The following MCC variants were observed in gnomAD, a reference collection of about 807,000 sequenced individuals.
The protein encoded by MCC is colorectal mutant cancer protein.
In MCC, 90 loss-of-function variants were observed where a neutral mutation model predicts 116.2. That is an observed-to-expected ratio of 0.77 (90% confidence interval 0.65 to 0.92). The LOEUF (loss-of-function observed/expected upper bound fraction) is 0.92. MCC is among the 40% of genes least tolerant of loss of function. MCC has a pLI of 0.00. For missense variants in MCC, 1,516 were observed against 1,312.2 expected, an observed-to-expected ratio of 1.16 and a Z score of -2.40; for synonymous variants, 578 against 510.5, an observed-to-expected ratio of 1.13 and a Z score of -1.78.
chr5:113,139,213 C>G (rs1303214532), intron 5 of MCC, among the ~76,000 whole-genome samples: 2 of 152,144 alleles, frequency 1.3e-5, no homozygotes, highest in African/African-American at 2.4e-5. Context: ...ATCTCCCAGT[C>G]AACATCGCTG....
At chr5:113,040,578 A>G (rs1751636741) in intron 17 of MCC, among the ~76,000 whole-genome samples, 1 of 152,122 alleles carries the variant, frequency 6.6e-6, no homozygotes, top group Admixed American at 6.5e-5. Flanking sequence ...GTTCGTTTCC[A>G]TTTGATTTTT....
chr5:113,072,887 C>A (rs1053357794), intron 11 of MCC, among the ~76,000 whole-genome samples: 1 of 152,130 alleles, frequency 6.6e-6, no homozygotes, highest in Admixed American at 6.5e-5. Context: ...ACATTGCCAC[C>A]TCTAGTTTAA....
At chr5:113,086,062 G>A (rs1214246005) in intron 8 of MCC, among the ~76,000 whole-genome samples, 2 of 152,164 alleles carry the variant, frequency 1.3e-5, no homozygotes, top group Non-Finnish European at 2.9e-5. Flanking sequence ...GACTGCGGAC[G>A]AGGACCCAGG....
chr5:113,142,904 C>T (rs1759262264), intron 5 of MCC, among the ~76,000 whole-genome samples: 1 of 152,180 alleles, frequency 6.6e-6, no homozygotes, highest in South Asian at 2.1e-4. Context: ...ATGACTAAAG[C>T]ATTTCACTCA....
intron 2 of MCC, among the ~76,000 whole-genome samples, chr5:113,370,341 T>C (rs1296421886): frequency 1.3e-5 from 2 of 152,228 alleles, no homozygotes; most frequent in East Asian, 3.8e-4. Context: ...CTGTTCTTCT[T>C]TGACATCCCA....
intron 1 of MCC, among the ~76,000 whole-genome samples, chr5:113,446,882 C>A (rs1005592402): frequency 1.3e-5 from 2 of 152,116 alleles, no homozygotes; most frequent in African/African-American, 4.8e-5. Flanking sequence ...CAATCATACC[C>A]CAAACCTCAG....
intron 2 of MCC, among the ~76,000 whole-genome samples, chr5:113,378,034 A>G (rs1769027693): frequency 6.6e-6 from 1 of 152,348 alleles, no homozygotes; most frequent in Admixed American, 6.5e-5. Context: ...TAATAGTAGC[A>G]TTCATTCTGG....
intron 1 of MCC, among the ~76,000 whole-genome samples, chr5:113,420,620 C>T (rs1185374302): frequency 6.6e-6 from 1 of 152,142 alleles, no homozygotes; most frequent in East Asian, 1.9e-4. Context: ...CAGAGGTGGA[C>T]CTTCCACTGC....
chr5:113,216,520 C>CATA (rs1763321940), intron 3 of MCC, among the ~76,000 whole-genome samples: 1 of 152,162 alleles, frequency 6.6e-6, no homozygotes, highest in Non-Finnish European at 1.5e-5. Flanking sequence ...GGACAAGGCC[C>CATA]ATGTCTTACA....
chr5:113,195,156 C>A lies in MCC; in HGVS notation c.628-43734G>T, dbSNP rs187453344. Among the ~76,000 whole-genome samples, 80 of 152,352 alleles carry A rather than the reference C, an allele frequency of 5.3e-4. 1 individual carries two copies. The highest frequency in any genetic ancestry group is 1.9e-3 in the African/African-American group (77 of 41,582). ...CAGCTCCAAGACCACACACAGATCA[C>A]ACTTGGTGTGAAGACAGCAATGGAC... is the stretch of plus-strand genomic sequence containing the variant. On this transcript the variant is annotated intron_variant, in intron 3 of 18. Coordinates refer to ENST00000408903, the MANE Select transcript of MCC (RefSeq NM_001085377.2).
At chr5:113,335,151 C>G (rs551696698) in intron 3 of MCC, among the ~76,000 whole-genome samples, 1 of 151,698 alleles carries the variant, frequency 6.6e-6, no homozygotes, top group South Asian at 2.1e-4. Flanking sequence ...CCAAATTTGG[C>G]AAGTACCATA....
At chr5:113,362,615 T>A (rs914740809) in intron 2 of MCC, among the ~76,000 whole-genome samples, 1 of 152,192 alleles carries the variant, frequency 6.6e-6, no homozygotes, top group Admixed American at 6.5e-5. Flanking sequence ...TATTTTTTTA[T>A]AGGTGTCAAT....
chr5:113,092,914 A>G (rs930967395), intron 8 of MCC, among the ~76,000 whole-genome samples: 2 of 152,128 alleles, frequency 1.3e-5, no homozygotes, highest in African/African-American at 4.8e-5. Flanking sequence ...TATGCCCCGG[A>G]GCATTGTTTG....
Position 113,024,494 on chromosome 5 carries a change from C to G in MCC, c.*2808G>C, listed in dbSNP as rs1750389032. Reference sequence around the variant, plus strand: ...GGGAACTGTGAAATGGGTCCTTTGGCTCTGTGCCCATTTCTTCAAAAGCCA... The same window carrying G: ...GGGAACTGTGAAATGGGTCCTTTGGGTCTGTGCCCATTTCTTCAAAAGCCA... On this transcript the variant is annotated 3_prime_UTR_variant, in exon 19 of 19. Coordinates refer to ENST00000408903, the MANE Select transcript of MCC (RefSeq NM_001085377.2). 1 of 152,196 alleles carries G rather than the reference C, an allele frequency of 6.6e-6. No homozygotes were observed. The highest frequency in any genetic ancestry group is 2.4e-5 in the African/African-American group (1 of 41,442). 9.4% of individuals were successfully genotyped at this position (152,196 alleles called of 1,614,324 possible). A position where few individuals can be genotyped will look rare whatever the true frequency, so the allele number is the denominator to read the frequency against.
chr5:113,392,080 G>C (rs1053399214), intron 1 of MCC, among the ~76,000 whole-genome samples: 1 of 152,046 alleles, frequency 6.6e-6, no homozygotes, highest in African/African-American at 2.4e-5. Context: ...AGAAAAATGG[G>C]TAAGGCTAGG....
chr5:113,354,893 A>G lies in MCC; in HGVS notation c.416-14163T>C, dbSNP rs931172194. 3.3e-5 allele frequency among the ~76,000 whole-genome samples: 5 copies of G among 151,692 alleles called. No individual in the cohort carries two copies. The East Asian group carries it at 9.6e-4, about 29-fold the overall frequency. On this transcript the variant is annotated intron_variant, in intron 2 of 18. Transcript: ENST00000408903. ...TGGCAATAGCACTTTGTTCTTACGTAGAAAAATATTTAGAAAAAAAGATAG... is the reference window on the plus strand; with the variant it reads ...TGGCAATAGCACTTTGTTCTTACGTGGAAAAATATTTAGAAAAAAAGATAG...
intron 3 of MCC, among the ~76,000 whole-genome samples, chr5:113,163,905 A>G (rs1760636308): frequency 6.6e-6 from 1 of 152,240 alleles, no homozygotes; most frequent in Non-Finnish European, 1.5e-5. Context: ...CAAAATGTTA[A>G]CAACATCCCC....
At chr5:113,235,553 AAC>A (rs953819174) in intron 3 of MCC, among the ~76,000 whole-genome samples, 9 of 152,220 alleles carry the variant, frequency 5.9e-5, no homozygotes, top group Non-Finnish European at 7.3e-5. Flanking sequence ...TGAGTGGGGA[AAC>A]ACAAATAAAA....
intron 17 of MCC, among the ~76,000 whole-genome samples, chr5:113,033,279 C>T (rs1272683726): frequency 2.0e-5 from 3 of 152,188 alleles, no homozygotes; most frequent in Non-Finnish European, 4.4e-5. Flanking sequence ...GAGGGACTGG[C>T]GTAAGGCAGA....
Sources: gnomAD v4.1 joint callset for allele counts (sites outside exome capture counted in the v4.1 genomes callset) on GRCh38, gnomAD v4.1.1 for gene constraint, MANE v1.5 for transcripts, NCBI Gene and HGNC (gene_info 2026-07-23, HGNC 2026-07-21) for gene names.